NAPEPLD: variants seen among roughly 807,000 people sequenced by gnomAD.
NAPEPLD encodes N-acyl-phosphatidylethanolamine-hydrolyzing phospholipase D.
Under a neutral mutation model 38.1 loss-of-function variants are expected in NAPEPLD, and 23 were observed. The ratio of observed to expected loss-of-function variants is 0.60; its 90% CI spans 0.43 to 0.86. The LOEUF (loss-of-function observed/expected upper bound fraction) is 0.86, where lower values mean the gene tolerates loss of function less well. Among genes scored for constraint, NAPEPLD ranks in the 40% least tolerant of loss-of-function variants. NAPEPLD has a pLI of 0.00. For missense variants in NAPEPLD, 411 were observed against 476.8 expected (o/e 0.86, Z 1.28); for synonymous variants, 147 against 162.0 (o/e 0.91, Z 0.71).
intron 1 of NAPEPLD, among the ~76,000 whole-genome samples, chr7:103,138,658 C>G (rs1242606193): frequency 6.6e-6 from 1 of 151,936 alleles, no homozygotes; most frequent in Non-Finnish European, 1.5e-5. Flanking sequence ...TTAGTAGAGA[C>G]AGGGTTTCAT....
At chr7:103,146,144 T>C (rs1812503473) in intron 1 of NAPEPLD, among the ~76,000 whole-genome samples, 1 of 152,138 alleles carries the variant, frequency 6.6e-6, no homozygotes, top group South Asian at 2.1e-4. Flanking sequence ...ATAATAACTT[T>C]CAAAACTAAT....
At chr7:103,128,980 G>C (rs991549109) in intron 1 of NAPEPLD, among the ~76,000 whole-genome samples, 188 bp from the exon 2 acceptor site, 1 of 152,182 alleles carries the variant, frequency 6.6e-6, no homozygotes, top group African/African-American at 2.4e-5. Context: ...AAATAAGAAA[G>C]ATGTGCCAGG....
chr7:103,142,766 T>C (rs1811698640), intron 1 of NAPEPLD, among the ~76,000 whole-genome samples: 1 of 152,178 alleles, frequency 6.6e-6, no homozygotes, highest in Admixed American at 6.5e-5. Flanking sequence ...ATGGAATGAA[T>C]AAATGAAAAA....
chr7:103,149,279 C>T (rs1813254802), upstream of NAPEPLD: 26 of 1,046,770 alleles, frequency 2.5e-5, no homozygotes, highest in Non-Finnish European at 3.0e-5. Context: ...GCGGACTCAC[C>T]TCGCGCTTGG....
intron 1 of NAPEPLD, chr7:103,141,743 T>C (rs1280193343): frequency 2.3e-6 from 2 of 858,642 alleles, no homozygotes; most frequent in Admixed American, 1.7e-5. Flanking sequence ...GGCCAAGGTG[T>C]TTTTCCGGCA....
chr7:103,119,332 C>T (rs765604117), intron 3 of NAPEPLD, among the ~76,000 whole-genome samples: 12 of 152,088 alleles, frequency 7.9e-5, no homozygotes, highest in Non-Finnish European at 1.3e-4. Context: ...ACAATGCATA[C>T]ATATATCAAA....
intron 2 of NAPEPLD, among the ~76,000 whole-genome samples, chr7:103,123,998 T>C (rs1426273422): frequency 6.6e-6 from 1 of 152,210 alleles, no homozygotes; most frequent in Admixed American, 6.5e-5. Flanking sequence ...ATCATGTTAA[T>C]AAAACTATTT....
rs1345031090 is a variant in NAPEPLD at position 103,128,628 on chromosome 7, A to C, written c.149T>G (p.Leu50Arg). The part of the protein sequence containing the change: ...SRKSFKLDYR[L>R]EEDVTKSKKG... Reference sequence around the variant, plus strand: ...CTTGGATTTAGTTACATCTTCTTCTAGTCTATAATCCAGTTTGAAGCTTTT... The same window carrying C: ...CTTGGATTTAGTTACATCTTCTTCTCGTCTATAATCCAGTTTGAAGCTTTT... Residue 50 changes from leucine (L) to arginine (R), a missense_variant, in exon 2 of 5, where the codon CTA (leucine) becomes CGA (arginine). Transcript: ENST00000465647. The C allele has an allele frequency of 6.2e-7, 1 of 1,614,042 alleles. No homozygotes were observed. The highest frequency in any genetic ancestry group is 2.2e-5 in the East Asian group (1 of 44,886).
At chr7:103,105,164 C>T (rs1403685391) in intron 4 of NAPEPLD, among the ~76,000 whole-genome samples, 1 of 152,164 alleles carries the variant, frequency 6.6e-6, no homozygotes, top group Non-Finnish European at 1.5e-5. Flanking sequence ...TGACTGAGAG[C>T]TCACAGTCCA....
Position 103,101,979 on chromosome 7 carries a change from T to TA in NAPEPLD, c.*1449dup, listed in dbSNP as rs1469721930. The TA allele has an allele frequency of 6.7e-6, 1 of 150,022 alleles. No homozygotes were observed. Among genetic ancestry groups the TA allele is most frequent in the Non-Finnish European group, 1.5e-5 (1 of 67,660 alleles). The allele number at this position is 150,022 out of a possible 1,614,324, so 9.3% of individuals were successfully genotyped here. On this transcript the variant is annotated 3_prime_UTR_variant, in exon 5 of 5. Coordinates refer to ENST00000465647, the MANE Select transcript of NAPEPLD (RefSeq NM_001122838.3). ...GTGAATACAGAGTCCTTATTAGGAC[T>TA]AAATCTTATGTCAACTGACTCCCCC... is the stretch of plus-strand genomic sequence containing the variant.
intron 2 of NAPEPLD, among the ~76,000 whole-genome samples, chr7:103,120,431 C>T (rs920938568): frequency 3.9e-5 from 6 of 152,062 alleles, no homozygotes; most frequent in African/African-American, 1.4e-4. Flanking sequence ...ATATGGTAAT[C>T]TTCTTCCTCC....
At chr7:103,140,559 A>T (rs1554540502) in intron 1 of NAPEPLD, among the ~76,000 whole-genome samples, 1 of 151,540 alleles carries the variant, frequency 6.6e-6, no homozygotes, top group Non-Finnish European at 1.5e-5. Context: ...CGCCCGGCTA[A>T]TTTTTTTGTA....
chr7:103,106,877 TC>T (rs1235361549), intron 4 of NAPEPLD, among the ~76,000 whole-genome samples: 2 of 152,188 alleles, frequency 1.3e-5, no homozygotes, highest in Admixed American at 1.3e-4. Context: ...GCACTGGTTC[TC>T]CCAGCACAGC....
At position 103,142,076 on chromosome 7, in the gene NAPEPLD, T is replaced by C. The variant is rs1811521234; in HGVS notation, c.-17+6735A>G. On this transcript the variant is annotated intron_variant, in intron 1 of 4. Coordinates refer to ENST00000465647, the MANE Select transcript of NAPEPLD (RefSeq NM_001122838.3). ...AAAAGTTCTGTGGGTGTTTCTGATATACAGGCAGGGTTGAGAACCACTGCT... is the reference window on the plus strand; with the variant it reads ...AAAAGTTCTGTGGGTGTTTCTGATACACAGGCAGGGTTGAGAACCACTGCT... The C allele has an allele frequency of 5.0e-5, 29 of 582,454 alleles. No individual in the cohort carries two copies. In the South Asian group the frequency reaches 5.7e-4, roughly 11 times the overall value. 36.1% of individuals were successfully genotyped at this position (582,454 alleles called of 1,614,324 possible). A position where few individuals can be genotyped will look rare whatever the true frequency, so the allele number is the denominator to read the frequency against.
At chr7:103,104,257 G>T (rs1802861173) in intron 4 of NAPEPLD, among the ~76,000 whole-genome samples, 1 of 152,196 alleles carries the variant, frequency 6.6e-6, no homozygotes, top group Non-Finnish European at 1.5e-5. Context: ...GAGACAGTTG[G>T]ATATATAAAT....
At chr7:103,133,010 A>C (rs186351657) in intron 1 of NAPEPLD, among the ~76,000 whole-genome samples, 1 of 152,202 alleles carries the variant, frequency 6.6e-6, no homozygotes, top group Admixed American at 6.5e-5. Flanking sequence ...TAACACACAC[A>C]AAGTCCAGTT....
chr7:103,131,614 C>T (rs973487292), intron 1 of NAPEPLD, among the ~76,000 whole-genome samples: 3 of 150,410 alleles, frequency 2.0e-5, no homozygotes, highest in Admixed American at 6.6e-5. Context: ...GAGCCGAGAT[C>T]GCGCTGTTGC....
intron 2 of NAPEPLD, among the ~76,000 whole-genome samples, chr7:103,120,490 G>C (rs1806426588): frequency 6.6e-6 from 1 of 152,054 alleles, no homozygotes; most frequent in Non-Finnish European, 1.5e-5. Context: ...GCTGCTAAAT[G>C]TATCAATTTT....
intron 3 of NAPEPLD, 141 bp from the exon 4 acceptor site, chr7:103,115,315 A>T: frequency 1.7e-6 from 1 of 577,802 alleles, no homozygotes; most frequent in Non-Finnish European, 2.9e-6. Context: ...TAAAACATGC[A>T]GTTTTGGGGA....
Sources: allele counts gnomAD v4.1 joint callset (sites outside exome capture counted in the v4.1 genomes callset), GRCh38; gene constraint gnomAD v4.1.1; transcripts MANE v1.5; gene names NCBI Gene and HGNC (gene_info 2026-07-23, HGNC 2026-07-21).